Variants in CWC27 observed in about 807,000 individuals in gnomAD.
The protein encoded by CWC27 is CWC27 spliceosome associated cyclophilin.
CWC27 carries 47 observed loss-of-function variants against 63.6 expected under a neutral mutation model. The observed-to-expected ratio is 0.74, with a 90% confidence interval of 0.58 to 0.94. The LOEUF is 0.94. CWC27 is among the 40% of genes least tolerant of loss of function. CWC27 has a pLI of 0.00. For synonymous variants in CWC27, 175 were observed against 179.8 expected (o/e 0.97, Z 0.22); for missense variants, 495 against 554.3 (o/e 0.89, Z 1.07).
intron 10 of CWC27, among the ~76,000 whole-genome samples, chr5:64,859,539 G>A (rs535526934): frequency 6.6e-6 from 1 of 152,310 alleles, no homozygotes; most frequent in South Asian, 2.1e-4. Flanking sequence ...TGTAAGGCAA[G>A]TATTACCCTG....
At chr5:64,877,500 AG>A (rs1324819075) in intron 10 of CWC27, among the ~76,000 whole-genome samples, 1 of 152,032 alleles carries the variant, frequency 6.6e-6, no homozygotes, top group Non-Finnish European at 1.5e-5. Context: ...ATAGCAGAGT[AG>A]GTTGACATAG....
intron 11 of CWC27, among the ~76,000 whole-genome samples, chr5:64,968,150 CTT>C (rs1749052442): frequency 6.6e-6 from 1 of 151,954 alleles, no homozygotes; most frequent in South Asian, 2.1e-4. Flanking sequence ...TGTAATATCA[CTT>C]GTCATCAGAA....
At chr5:65,012,361 C>T (rs1340309229) in intron 13 of CWC27, among the ~76,000 whole-genome samples, 1 of 152,208 alleles carries the variant, frequency 6.6e-6, no homozygotes, top group Non-Finnish European at 1.5e-5. Context: ...CTGCCCCCCA[C>T]CACATTCAGT....
chr5:64,885,869 A>G (rs1747063362), intron 11 of CWC27, among the ~76,000 whole-genome samples: 1 of 152,128 alleles, frequency 6.6e-6, no homozygotes, highest in Non-Finnish European at 1.5e-5. Context: ...AACTAACAGA[A>G]TACTTGAAAT....
intron 10 of CWC27, among the ~76,000 whole-genome samples, chr5:64,867,643 C>A (rs1746561456): frequency 6.6e-6 from 1 of 152,024 alleles, no homozygotes; most frequent in African/African-American, 2.4e-5. Context: ...AATTGCCTTG[C>A]AAATTGATGG....
At chr5:64,782,382 A>C (rs1743728138) in intron 3 of CWC27, among the ~76,000 whole-genome samples, 1 of 152,056 alleles carries the variant, frequency 6.6e-6, no homozygotes, top group African/African-American at 2.4e-5. Context: ...TGGGAGGTGG[A>C]GGTTGCAGTG....
chr5:64,924,585 G>GAT, intron 11 of CWC27, among the ~76,000 whole-genome samples: 1 of 152,120 alleles, frequency 6.6e-6, no homozygotes, highest in Non-Finnish European at 1.5e-5. Context: ...AGCTCCTGGT[G>GAT]TCAAATTATC....
chr5:64,860,538 T>G (rs571206105), intron 10 of CWC27, among the ~76,000 whole-genome samples: 2 of 152,352 alleles, frequency 1.3e-5, no homozygotes, highest in African/African-American at 4.8e-5. Context: ...AGTTTTACTT[T>G]TGGCTGTTTT....
At chr5:64,972,565 A>G in intron 12 of CWC27, 2 of 386,522 alleles carry the variant, frequency 5.2e-6, no homozygotes, top group Non-Finnish European at 1.0e-5. Flanking sequence ...TGGACACACC[A>G]TTTTAGTTGT....
chr5:65,015,391 T>C (rs1750033260), intron 13 of CWC27, among the ~76,000 whole-genome samples: 1 of 152,194 alleles, frequency 6.6e-6, no homozygotes, highest in African/African-American at 2.4e-5. Context: ...AGTAAGTTTG[T>C]TTTCTCATAT....
chr5:64,914,320 TA>T (rs1180067862), intron 11 of CWC27, among the ~76,000 whole-genome samples: 1 of 152,078 alleles, frequency 6.6e-6, no homozygotes, highest in Admixed American at 6.6e-5. Context: ...TTTACTCTAT[TA>T]AAATTAAGAA....
intron 10 of CWC27, among the ~76,000 whole-genome samples, chr5:64,873,888 C>T (rs1050635925): frequency 6.6e-6 from 1 of 151,952 alleles, no homozygotes; most frequent in Non-Finnish European, 1.5e-5. Flanking sequence ...TAGTTTTATT[C>T]TTCTGCATGT....
chr5:64,796,714 T>C (rs1197620993), intron 7 of CWC27, among the ~76,000 whole-genome samples: 1 of 151,996 alleles, frequency 6.6e-6, no homozygotes, highest in Non-Finnish European at 1.5e-5. Flanking sequence ...TTCCAGTTTC[T>C]TGGTCAATGT....
chr5:64,919,763 G>A (rs1747961372), intron 11 of CWC27, among the ~76,000 whole-genome samples: 1 of 152,136 alleles, frequency 6.6e-6, no homozygotes, highest in African/African-American at 2.4e-5. Context: ...CCATTAATGG[G>A]CACCTTGGTT....
intron 13 of CWC27, among the ~76,000 whole-genome samples, chr5:65,001,168 GCTTTTGT>G (rs1401258177): frequency 6.6e-6 from 1 of 151,928 alleles, no homozygotes; most frequent in Non-Finnish European, 1.5e-5. Flanking sequence ...TGTATGTTGG[GCTTTTGT>G]CCTGCAATTT....
intron 10 of CWC27, among the ~76,000 whole-genome samples, chr5:64,853,514 A>C (rs1025841645): frequency 6.6e-6 from 1 of 152,206 alleles, no homozygotes; most frequent in Non-Finnish European, 1.5e-5. Context: ...ATATTAGTCC[A>C]TTCTTATGTT....
intron 13 of CWC27, among the ~76,000 whole-genome samples, chr5:64,989,424 AT>A (rs906444933): frequency 6.6e-6 from 1 of 152,158 alleles, no homozygotes; most frequent in Non-Finnish European, 1.5e-5. Flanking sequence ...GCATGAGCAA[AT>A]TTTTTTCTTT....
intron 10 of CWC27, among the ~76,000 whole-genome samples, chr5:64,808,773 T>C (rs1317057912): frequency 6.6e-6 from 1 of 152,192 alleles, no homozygotes; most frequent in African/African-American, 2.4e-5. Context: ...ATTAATTATG[T>C]TCCATTATAG....
At chr5:64,885,897 T>G (rs1297335818) in intron 11 of CWC27, among the ~76,000 whole-genome samples, 1 of 152,100 alleles carries the variant, frequency 6.6e-6, no homozygotes, top group Admixed American at 6.6e-5. Context: ...AACTTAAAGG[T>G]TGCCATAGCA....
Sources: allele counts gnomAD v4.1 joint callset (sites outside exome capture counted in the v4.1 genomes callset), GRCh38; gene constraint gnomAD v4.1.1; transcripts MANE v1.5; gene names NCBI Gene and HGNC (gene_info 2026-07-23, HGNC 2026-07-21).